The following RHD variants were observed in gnomAD, a reference collection of about 807,000 sequenced individuals.
RHD encodes the protein blood group Rh(D) polypeptide.
Under a neutral mutation model 45.5 loss-of-function variants are expected in RHD, and 16 were observed. The observed-to-expected ratio is 0.35, with a 90% CI of 0.24 to 0.53. The LOEUF (loss-of-function observed/expected upper bound fraction) is 0.53, where lower values mean the gene tolerates loss of function less well. Among genes scored for constraint, RHD ranks in the 20% least tolerant of loss-of-function variants. The probability of loss-of-function intolerance (pLI) is 0.92; values close to 1 mark genes in which losing one functional copy is unlikely to be tolerated. For synonymous variants in RHD, 131 were observed against 217.5 expected, an observed-to-expected ratio of 0.60 and a Z score of 3.50; for missense variants, 306 against 532.0, an observed-to-expected ratio of 0.58 and a Z score of 4.18.
rs371409993 is a variant in RHD at position 25,275,549 on chromosome 1, G to A, written c.148+2854G>A. On this transcript the variant is annotated intron_variant, in intron 1 of 9. Transcript: ENST00000328664. Reference sequence around the variant, plus strand: ...TTCAACATTCTGATGGTGTACACACGATTTTTTGAGCATGTACCATGGTTA... The same window carrying A: ...TTCAACATTCTGATGGTGTACACACAATTTTTTGAGCATGTACCATGGTTA... Among the ~76,000 whole-genome samples the A allele has an allele frequency of 1.3e-4, 17 of 131,720 alleles. 3 individuals carry two copies. Among genetic ancestry groups the A allele is most frequent in the African/African-American group, 3.9e-4 (15 of 38,668 alleles). 86.4% of individuals were successfully genotyped at this position (131,720 alleles called of 152,430 possible). A position where few individuals can be genotyped will look rare whatever the true frequency, so the allele number is the denominator to read the frequency against.
At chr1:25,298,851 A>G (rs1274715454) in intron 3 of RHD, among the ~76,000 whole-genome samples, 1 of 130,092 alleles carries the variant, frequency 7.7e-6, no homozygotes, top group African/African-American at 2.6e-5. Flanking sequence ...TAAAAATGAA[A>G]TGGAGAAAAG....
intron 8 of RHD, chr1:25,318,036 T>G (rs1644498813): frequency 7.6e-6 from 1 of 130,946 alleles, no homozygotes; most frequent in Admixed American, 7.5e-5. Flanking sequence ...CAGGTGAAAA[T>G]ATGTGGCTAG....
At chr1:25,312,702 G>A (rs1311340708) in intron 7 of RHD, among the ~76,000 whole-genome samples, 5 of 119,846 alleles carry the variant, frequency 4.2e-5, no homozygotes, top group Non-Finnish European at 5.9e-5. Flanking sequence ...GTGAGCTATG[G>A]TCGTGCCACT....
rs752237488 is a variant in RHD at position 25,321,950 on chromosome 1, A to G, written c.1215A>G (p.Gln405=). ...ATGAGGCTAAATATTTTGATGACCA[A>G]GTTTTCTGGAAGGTAAGATTTTTCA... ...APHEAKYFDD[Q]VFWKFPHLAV... Residue 405 remains glutamine, a synonymous_variant, in exon 9 of 10, where the codon CAA becomes CAG. Coordinates refer to ENST00000328664, the MANE Select transcript of RHD (RefSeq NM_016124.6). The G allele has an allele frequency of 2.6e-5, 34 of 1,323,302 alleles. 6 individuals are homozygous for G. The South Asian group carries it at 3.7e-4, about 14-fold the overall frequency. 82.0% of individuals were successfully genotyped at this position (1,323,302 alleles called of 1,614,324 possible).
intron 2 of RHD, among the ~76,000 whole-genome samples, chr1:25,287,607 A>AG (rs1160554140): frequency 7.4e-6 from 1 of 135,192 alleles, no homozygotes; most frequent in Admixed American, 7.1e-5. Context: ...CCTTCAGGGG[A>AG]GGGGCCTATC....
chr1:25,291,418 G>A lies in RHD; in HGVS notation c.486+627G>A, dbSNP rs777430257. 3.0e-4 allele frequency among the ~76,000 whole-genome samples: 39 copies of A among 132,008 alleles called. 10 individuals are homozygous for A. The highest frequency in any genetic ancestry group is 1.1e-3 in the Admixed American group (15 of 13,538). The allele number at this position is 132,008 out of a possible 152,430, so 86.6% of individuals were successfully genotyped here. A position where few individuals can be genotyped will look rare whatever the true frequency, so the allele number is the denominator to read the frequency against. Reference sequence around the variant, plus strand: ...CGAGAGGTGGAGGTTGCAGTGAACCGAGATCGCGCCATTGCACTGCAGCCT... The same window carrying A: ...CGAGAGGTGGAGGTTGCAGTGAACCAAGATCGCGCCATTGCACTGCAGCCT... On this transcript the variant is annotated intron_variant, in intron 3 of 9. Coordinates refer to ENST00000328664, the MANE Select transcript of RHD (RefSeq NM_016124.6).
rs1389232064 is a variant in RHD, at chr1:25,318,731, T to C, written c.1153+1652T>C. Among the ~76,000 whole-genome samples the C allele has an allele frequency of 2.3e-5, 3 of 132,956 alleles. 1 individual carries two copies. Among genetic ancestry groups the C allele is most frequent in the African/African-American group, 7.7e-5 (3 of 39,054 alleles). The allele number at this position is 132,956 out of a possible 152,430, so 87.2% of individuals were successfully genotyped here. A position where few individuals can be genotyped will look rare whatever the true frequency, so the allele number is the denominator to read the frequency against. On this transcript the variant is annotated intron_variant, in intron 8 of 9. Coordinates refer to ENST00000328664, the MANE Select transcript of RHD (RefSeq NM_016124.6). Reference sequence around the variant, plus strand: ...ATAAGAGACAAATGGCGTAAGACACTATGAGTTGTGTGACGTTGGGCATGT... The same window carrying C: ...ATAAGAGACAAATGGCGTAAGACACCATGAGTTGTGTGACGTTGGGCATGT...
chr1:25,296,724 G>A (rs1308230628), intron 3 of RHD, among the ~76,000 whole-genome samples: 2 of 126,306 alleles, frequency 1.6e-5, no homozygotes, highest in African/African-American at 5.3e-5. Context: ...GTTTGAAAGT[G>A]TGGCACTTCC....
rs759883045 is a variant in RHD at position 25,301,679 on chromosome 1, T to C, written c.794T>C (p.Ile265Thr). Residue 265 changes from isoleucine (I) to threonine (T), a missense_variant, in exon 5 of 10, where the codon ATC becomes ACC. By Grantham distance (89) the Ile-to-Thr change is moderately conservative. Transcript: ENST00000328664. ...GSSLAHPQGK[I>T]SKTYVHSAVL... is the part of the protein sequence containing the mutation. ...TCCTTGGCTCACCCCCAAGGGAAGA[T>C]CAGCAAGGTGAGCAGGGCGCTGCCC... 7.3e-7 allele frequency: 1 copy of C among 1,379,266 alleles called. No homozygotes were observed. Among genetic ancestry groups the C allele is most frequent in the Non-Finnish European group, 1.0e-6 (1 of 978,654 alleles). 85.4% of individuals were successfully genotyped at this position (1,379,266 alleles called of 1,614,324 possible).
chr1:25,318,232 G>C (rs1415981879), intron 8 of RHD: 1 of 129,430 alleles, frequency 7.7e-6, no homozygotes, highest in Non-Finnish European at 1.8e-5. Flanking sequence ...AGAATTGCTT[G>C]AACCCGGGAG....
At chr1:25,319,939 C>T (rs1436888318) in intron 8 of RHD, among the ~76,000 whole-genome samples, 7 of 130,832 alleles carry the variant, frequency 5.4e-5, no homozygotes, top group African/African-American at 1.8e-4. Flanking sequence ...GCTCTTGTTG[C>T]CCAGGCTGGA....
rs376931864 is a variant in RHD, at chr1:25,321,041, C to T, written c.1154-848C>T. ...CCTGGATAACAGAATGAGACTCTGT[C>T]CCAAAAATAAAAAATAAAATCAAAG... On this transcript the variant is annotated intron_variant, in intron 8 of 9. Transcript: ENST00000328664. 4.6e-5 allele frequency among the ~76,000 whole-genome samples: 6 copies of T among 130,014 alleles called. 2 individuals are homozygous for T. The highest frequency in any genetic ancestry group is 1.1e-4 in the Non-Finnish European group (6 of 54,920). The allele number at this position is 130,014 out of a possible 152,430, so 85.3% of individuals were successfully genotyped here. A position where few individuals can be genotyped will look rare whatever the true frequency, so the allele number is the denominator to read the frequency against.
intron 9 of RHD, among the ~76,000 whole-genome samples, chr1:25,324,460 A>G (rs1557571658): frequency 6.6e-6 from 1 of 151,574 alleles, no homozygotes; most frequent in Non-Finnish European, 1.5e-5. Context: ...TAATGTATGT[A>G]TTATGTAGGC....
chr1:25,291,658 C>T (rs1345537675), intron 3 of RHD, among the ~76,000 whole-genome samples: 1 of 132,290 alleles, frequency 7.6e-6, no homozygotes, highest in Admixed American at 7.4e-5. Context: ...AATTAATTCT[C>T]AGAGCCTCAC....
intron 5 of RHD, 48 bp from the exon 6 acceptor site, chr1:25,303,274 G>A (rs749980765): frequency 8.6e-7 from 1 of 1,162,446 alleles, no homozygotes; most frequent in South Asian, 1.3e-5. Flanking sequence ...GCAAGATGGT[G>A]TTCTCTCTCT....
chr1:25,283,329 G>A lies in RHD; in HGVS notation c.149-1244G>A, dbSNP rs577862904. ...GCAGATCACTTGAGGTCAGGAGTTC[G>A]AGACCAGCTTGGCCAACATAGCGAA... On this transcript the variant is annotated intron_variant, in intron 1 of 9. Transcript: ENST00000328664. 2.3e-5 allele frequency among the ~76,000 whole-genome samples: 3 copies of A among 131,638 alleles called. No homozygotes were observed. The South Asian group carries it at 6.9e-4, about 30-fold the overall frequency. The allele number at this position is 131,638 out of a possible 152,430, so 86.4% of individuals were successfully genotyped here.
chr1:25,280,452 T>G lies in RHD; in HGVS notation c.149-4121T>G, dbSNP rs561352720. On this transcript the variant is annotated intron_variant, in intron 1 of 9. Transcript: ENST00000328664. ...TCCTGAGTAGCTGGGATTACAGGCA[T>G]GCGCCACCATGCCAGGCTAATTTTT... 2.4e-5 allele frequency among the ~76,000 whole-genome samples: 3 copies of G among 125,814 alleles called. 1 individual carries two copies. In the South Asian group the frequency reaches 7.5e-4, roughly 31 times the overall value. The allele number at this position is 125,814 out of a possible 152,430, so 82.5% of individuals were successfully genotyped here.
intron 3 of RHD, chr1:25,294,682 A>T (rs2124654066): frequency 1.6e-6 from 1 of 644,790 alleles, no homozygotes; most frequent in East Asian, 2.6e-5. Context: ...AACGAGAGAA[A>T]TGGCAGGGAC....
In RHD at chr1:25,282,761, G is replaced by A. The variant is rs570732680; in HGVS notation, c.149-1812G>A. 6.9e-5 allele frequency among the ~76,000 whole-genome samples: 9 copies of A among 130,220 alleles called. No homozygotes were observed. In the South Asian group the frequency reaches 7.0e-4, roughly 10 times the overall value. The allele number at this position is 130,220 out of a possible 152,430, so 85.4% of individuals were successfully genotyped here. Reference sequence around the variant, plus strand: ...CCAAAAATTAGCCAGGCGTGGTGGCGCGCGCCTGTGGTTCCCACTGAAGCA... The same window carrying A: ...CCAAAAATTAGCCAGGCGTGGTGGCACGCGCCTGTGGTTCCCACTGAAGCA... On this transcript the variant is annotated intron_variant, in intron 1 of 9. Coordinates refer to ENST00000328664, the MANE Select transcript of RHD (RefSeq NM_016124.6).
Sources: gnomAD v4.1 joint callset for allele counts (sites outside exome capture counted in the v4.1 genomes callset) on GRCh38, gnomAD v4.1.1 for gene constraint, MANE v1.5 for transcripts, NCBI Gene and HGNC (gene_info 2026-07-23, HGNC 2026-07-21) for gene names.